Variants in LYPD6B observed in about 807,000 individuals in gnomAD.
LYPD6B encodes LY6/PLAUR domain containing 6B, also known as ly6/PLAUR domain-containing protein 6B.
LYPD6B carries 17 observed loss-of-function variants against 22.8 expected under a neutral mutation model. That is an observed-to-expected ratio of 0.75 (90% CI 0.51 to 1.12). The LOEUF is 1.12. Ranked by LOEUF, LYPD6B falls within the 50% of genes most tolerant of loss-of-function variation. LYPD6B has a pLI of 0.00. For missense variants in LYPD6B, 221 were observed against 258.3 expected (o/e 0.86, Z 0.99); for synonymous variants, 106 against 91.6 (o/e 1.16, Z -0.90).
At chr2:149,181,878 ATTC>A (rs1199268003) in intron 3 of LYPD6B, among the ~76,000 whole-genome samples, 2 of 152,038 alleles carry the variant, frequency 1.3e-5, no homozygotes, top group African/African-American at 4.8e-5. Flanking sequence ...CACCCTCCAA[ATTC>A]TTCTTTCTTC....
intron 3 of LYPD6B, among the ~76,000 whole-genome samples, chr2:149,193,889 TA>T (rs1379537588): frequency 8.5e-5 from 13 of 152,316 alleles, no homozygotes; most frequent in African/African-American, 3.1e-4. Flanking sequence ...AATATTGCAA[TA>T]AAAGAGTACA....
chr2:149,114,832 A>G (rs1334543602), intron 1 of LYPD6B, among the ~76,000 whole-genome samples: 1 of 152,242 alleles, frequency 6.6e-6, no homozygotes, highest in Non-Finnish European at 1.5e-5. Context: ...ATATACCATA[A>G]TGACTACAGA....
At chr2:149,137,784 A>G (rs371408413) in intron 2 of LYPD6B, among the ~76,000 whole-genome samples, 2 of 152,344 alleles carry the variant, frequency 1.3e-5, no homozygotes, top group East Asian at 3.9e-4. Context: ...CCTTACAAAT[A>G]AATATTCTAT....
intron 3 of LYPD6B, among the ~76,000 whole-genome samples, chr2:149,201,202 G>C (rs1180427700): frequency 6.6e-6 from 1 of 152,096 alleles, no homozygotes; most frequent in Non-Finnish European, 1.5e-5. Context: ...GGATTCCTTT[G>C]AGATACTCCA....
intron 1 of LYPD6B, chr2:149,101,669 C>T (rs1686217712): frequency 6.6e-6 from 1 of 152,250 alleles, no homozygotes; most frequent in Non-Finnish European, 1.5e-5. Flanking sequence ...CAGCAGGGCT[C>T]ATCTGCCCAG....
In LYPD6B at chr2:149,190,413, C is replaced by G. The variant is rs144190633; in HGVS notation, c.78-14840C>G. On this transcript the variant is annotated intron_variant, in intron 3 of 6. Transcript: ENST00000409642. ...GCCAATGTATCATTGTACATGTATG[C>G]AAGTCTACCTGTAGAATAAAACTAG... Among the ~76,000 whole-genome samples the G allele has an allele frequency of 4.6e-5, 7 of 152,218 alleles. No individual in the cohort carries two copies. The East Asian group carries it at 1.4e-3, about 29-fold the overall frequency.
chr2:149,085,996 G>A (rs746355103), intron 1 of LYPD6B, among the ~76,000 whole-genome samples: 4 of 152,130 alleles, frequency 2.6e-5, no homozygotes, highest in Non-Finnish European at 5.9e-5. Context: ...CAGGAGAAAG[G>A]TGCATTAAAA....
chr2:149,093,113 T>C (rs1042353687), intron 1 of LYPD6B, among the ~76,000 whole-genome samples: 5 of 152,022 alleles, frequency 3.3e-5, no homozygotes, highest in Admixed American at 2.6e-4. Flanking sequence ...TGTCAGAAGG[T>C]ACAGTGGAAA....
intron 1 of LYPD6B, among the ~76,000 whole-genome samples, chr2:149,126,563 G>A (rs934435108): frequency 1.3e-5 from 2 of 152,028 alleles, no homozygotes; most frequent in Non-Finnish European, 2.9e-5. Context: ...TTTACATTGA[G>A]TCAGCTGAGG....
chr2:149,144,855 T>G (rs1165868854), intron 2 of LYPD6B, among the ~76,000 whole-genome samples: 1 of 152,164 alleles, frequency 6.6e-6, no homozygotes, highest in East Asian at 1.9e-4. Flanking sequence ...TACAGCAAAT[T>G]TCACATCTTC....
At chr2:149,204,603 T>C (rs1005531121) in intron 3 of LYPD6B, 2 of 154,408 alleles carry the variant, frequency 1.3e-5, no homozygotes, top group African/African-American at 4.8e-5. Context: ...TTCTGTTTCC[T>C]CTAGAGCCTC....
chr2:149,179,397 G>C (rs1691551110), intron 3 of LYPD6B, among the ~76,000 whole-genome samples: 1 of 152,172 alleles, frequency 6.6e-6, no homozygotes, highest in Admixed American at 6.5e-5. Context: ...CTTTATGTTG[G>C]TGAATTACTT....
chr2:149,084,755 C>T (rs1307590269), intron 1 of LYPD6B, among the ~76,000 whole-genome samples: 1 of 152,140 alleles, frequency 6.6e-6, no homozygotes, highest in Admixed American at 6.5e-5. Context: ...TTCTGTTGAC[C>T]TGTGGTGTTA....
At chr2:149,063,700 C>A (rs907502507) in intron 1 of LYPD6B, among the ~76,000 whole-genome samples, 1 of 152,154 alleles carries the variant, frequency 6.6e-6, no homozygotes, top group African/African-American at 2.4e-5. Flanking sequence ...TTAGAACCCA[C>A]TAAACATGCC....
chr2:149,116,737 A>G (rs1287229766), intron 1 of LYPD6B, among the ~76,000 whole-genome samples: 3 of 152,214 alleles, frequency 2.0e-5, no homozygotes, highest in Admixed American at 2.0e-4. Flanking sequence ...CTCAGCAAAC[A>G]TTTGTTGACA....
At chr2:149,087,780 A>G (rs572823709) in intron 1 of LYPD6B, among the ~76,000 whole-genome samples, 2 of 152,246 alleles carry the variant, frequency 1.3e-5, no homozygotes, top group African/African-American at 4.8e-5. Flanking sequence ...GCTCTAAAAT[A>G]TGTTCATCCC....
At chr2:149,204,681 CTCTT>C (rs1693393524) in intron 3 of LYPD6B, 1 of 154,356 alleles carries the variant, frequency 6.5e-6, no homozygotes, top group African/African-American at 2.4e-5. Context: ...ACTCTTGTCT[CTCTT>C]CTCAATGTCG....
intron 1 of LYPD6B, among the ~76,000 whole-genome samples, chr2:149,054,234 A>G (rs1683689126): frequency 6.6e-6 from 1 of 152,060 alleles, no homozygotes; most frequent in African/African-American, 2.4e-5. Context: ...GAGGGTTCCA[A>G]TTTTTCCATA....
rs570401520 is a variant in LYPD6B at position 149,214,072 on chromosome 2, A to T, written c.460-474A>T. Among the ~76,000 whole-genome samples, 3 of 152,328 alleles carry T rather than the reference A, an allele frequency of 2.0e-5. No individual in the cohort carries two copies. The South Asian group carries it at 6.2e-4, about 32-fold the overall frequency. ...TTTTCTTACACCACTCAGCAACCAT[A>T]ATTAGTAAACCATTGTTGCTGTAAT... On this transcript the variant is annotated intron_variant, in intron 6 of 6. Transcript: ENST00000409642.
Sources: gnomAD v4.1 joint callset for allele counts (sites outside exome capture counted in the v4.1 genomes callset) on GRCh38, gnomAD v4.1.1 for gene constraint, MANE v1.5 for transcripts, NCBI Gene and HGNC (gene_info 2026-07-23, HGNC 2026-07-21) for gene names.